Variants in GRIN2A observed in about 807,000 individuals in gnomAD.
GRIN2A encodes the protein glutamate ionotropic receptor NMDA type subunit 2A.
GRIN2A carries 22 observed loss-of-function variants against 113.4 expected under a neutral mutation model. That is an observed-to-expected ratio of 0.19 (90% confidence interval 0.14 to 0.28). GRIN2A has a LOEUF of 0.28. GRIN2A is among the 10% of genes least tolerant of loss of function. The pLI, the probability that GRIN2A is intolerant of heterozygous loss-of-function variation, is 1.00. For synonymous variants in GRIN2A, 827 were observed against 738.4 expected, an observed-to-expected ratio of 1.12 and a Z score of -1.94; for missense variants, 1,502 against 1,887.0, an observed-to-expected ratio of 0.80 and a Z score of 3.78.
intron 3 of GRIN2A, among the ~76,000 whole-genome samples, chr16:9,919,360 CAT>C (rs551867522): frequency 1.6e-3 from 240 of 152,262 alleles, no homozygotes; most frequent in African/African-American, 5.6e-3. Context: ...CCAAGTCTCA[CAT>C]TTACACACTT....
At position 10,181,225 on chromosome 16, in the gene GRIN2A, T is replaced by TCA. The variant is rs1053338858; in HGVS notation, c.-19+650_-19+651dup. Among the ~76,000 whole-genome samples the TCA allele has an allele frequency of 7.9e-5, 12 of 151,994 alleles. No homozygotes were observed. In the East Asian group the frequency reaches 1.4e-3, roughly 17 times the overall value. ...CACACACACACGCACACACACATGTTCACACACACACACCCTCTCTCACGC... is the reference window on the plus strand; with the variant it reads ...CACACACACACGCACACACACATGTTCACACACACACACACCCTCTCTCACGC... On this transcript the variant is annotated intron_variant, in intron 1 of 12. Coordinates refer to ENST00000330684, the MANE Select transcript of GRIN2A (RefSeq NM_001134407.3).
intron 7 of GRIN2A, among the ~76,000 whole-genome samples, chr16:9,834,450 C>T (rs950617152): frequency 1.3e-4 from 20 of 152,130 alleles, no homozygotes; most frequent in African/African-American, 4.6e-4. Flanking sequence ...GGCACAATTT[C>T]GACTTGCTGC....
intron 5 of GRIN2A, among the ~76,000 whole-genome samples, chr16:9,841,364 T>A (rs1184642736): frequency 6.6e-6 from 1 of 152,226 alleles, no homozygotes; most frequent in Admixed American, 6.5e-5. Context: ...ATACTAATTG[T>A]TGAATTAATC....
intron 3 of GRIN2A, among the ~76,000 whole-genome samples, chr16:9,934,722 T>C (rs940364066): frequency 6.0e-5 from 9 of 150,548 alleles, no homozygotes; most frequent in Middle Eastern, 3.4e-3. Flanking sequence ...ATAATCCTTT[T>C]TGTTTTTTTG....
At chr16:10,046,291 G>A (rs143074304) in intron 2 of GRIN2A, among the ~76,000 whole-genome samples, 1 of 151,308 alleles carries the variant, frequency 6.6e-6, no homozygotes, top group African/African-American at 2.4e-5. Flanking sequence ...CCCTGAGGAT[G>A]CAGCCAATAA....
intron 2 of GRIN2A, among the ~76,000 whole-genome samples, chr16:9,986,626 G>A (rs376876727): frequency 2.0e-5 from 3 of 151,968 alleles, no homozygotes; most frequent in Admixed American, 6.6e-5. Flanking sequence ...TTAGCCAGGC[G>A]TGCTGGCGGG....
Position 10,092,757 on chromosome 16 carries a change from G to A in GRIN2A, c.414+87241C>T, listed in dbSNP as rs573075333. On this transcript the variant is annotated intron_variant, in intron 2 of 12. Transcript: ENST00000330684. ...AGTAGAGACGGGATTCAAACTAAAC[G>A]GTAACTCAAGTCCCTTCTCTTAAGC... 8.5e-5 allele frequency among the ~76,000 whole-genome samples: 13 copies of A among 152,104 alleles called. No individual in the cohort carries two copies. The East Asian group carries it at 1.4e-3, about 16-fold the overall frequency.
At chr16:9,883,130 G>A (rs1442718051) in intron 4 of GRIN2A, among the ~76,000 whole-genome samples, 2 of 152,110 alleles carry the variant, frequency 1.3e-5, no homozygotes, top group Non-Finnish European at 2.9e-5. Context: ...CTCTGAAGCA[G>A]GGAGAAGAAT....
intron 3 of GRIN2A, among the ~76,000 whole-genome samples, chr16:9,926,342 A>G (rs1192306287): frequency 6.6e-6 from 1 of 152,226 alleles, no homozygotes; most frequent in Non-Finnish European, 1.5e-5. Flanking sequence ...AATGTGGGCA[A>G]AAGATTAGAG....
At chr16:10,095,632 A>G (rs2048273562) in intron 2 of GRIN2A, among the ~76,000 whole-genome samples, 1 of 152,206 alleles carries the variant, frequency 6.6e-6, no homozygotes, top group Non-Finnish European at 1.5e-5. Context: ...CTACATTGAA[A>G]GTGTATCCCG....
At chr16:10,052,589 A>C (rs2141988136) in intron 2 of GRIN2A, among the ~76,000 whole-genome samples, 1 of 152,284 alleles carries the variant, frequency 6.6e-6, no homozygotes, top group African/African-American at 2.4e-5. Context: ...TGGGAGGGTA[A>C]GTGTGACCAG....
chr16:10,135,425 T>G (rs1328021023), intron 2 of GRIN2A, among the ~76,000 whole-genome samples: 1 of 152,232 alleles, frequency 6.6e-6, no homozygotes, highest in Non-Finnish European at 1.5e-5. Flanking sequence ...GCATTCGTAT[T>G]TCCACTCACA....
At chr16:9,768,376 T>A (rs1383498493) in intron 12 of GRIN2A, among the ~76,000 whole-genome samples, 2 of 152,214 alleles carry the variant, frequency 1.3e-5, no homozygotes, top group African/African-American at 4.8e-5. Flanking sequence ...TGGAATTAGT[T>A]ACTAATATTT....
At chr16:10,034,240 C>T (rs1466078819) in intron 2 of GRIN2A, among the ~76,000 whole-genome samples, 1 of 151,956 alleles carries the variant, frequency 6.6e-6, no homozygotes, top group Non-Finnish European at 1.5e-5. Flanking sequence ...AAAACTGGCT[C>T]AGGGCCGGGC....
intron 8 of GRIN2A, among the ~76,000 whole-genome samples, chr16:9,830,055 C>G (rs1399448078): frequency 6.6e-6 from 1 of 152,200 alleles, no homozygotes; most frequent in East Asian, 1.9e-4. Flanking sequence ...ATCGGATGTG[C>G]TATCGTATAA....
intron 11 of GRIN2A, among the ~76,000 whole-genome samples, chr16:9,791,512 C>T (rs1013349652): frequency 2.6e-5 from 4 of 152,266 alleles, no homozygotes; most frequent in Admixed American, 6.5e-5. Context: ...CTCAGGGATA[C>T]GCCGTCCTCA....
chr16:9,834,030 T>TC, intron 8 of GRIN2A, 75 bp downstream of exon 8: 3 of 1,479,588 alleles, frequency 2.0e-6, no homozygotes, highest in Non-Finnish European at 2.8e-6. Flanking sequence ...AGTAATGTGT[T>TC]CTAAAACTGA....
intron 4 of GRIN2A, among the ~76,000 whole-genome samples, chr16:9,853,613 C>A (rs1481130556): frequency 6.6e-6 from 1 of 152,024 alleles, no homozygotes; most frequent in Non-Finnish European, 1.5e-5. Context: ...CCCAAATGGA[C>A]TAAGAGTCAA....
At chr16:9,874,205 A>G (rs1596526096) in intron 4 of GRIN2A, among the ~76,000 whole-genome samples, 2 of 152,120 alleles carry the variant, frequency 1.3e-5, no homozygotes, top group South Asian at 4.1e-4. Context: ...AGGAATATAG[A>G]CTCCAGGAAT....
Sources: gnomAD v4.1 joint callset for allele counts (sites outside exome capture counted in the v4.1 genomes callset) on GRCh38, gnomAD v4.1.1 for gene constraint, MANE v1.5 for transcripts, NCBI Gene and HGNC (gene_info 2026-07-23, HGNC 2026-07-21) for gene names.